AKAP8L: variants seen among roughly 807,000 people sequenced by gnomAD.
The protein encoded by AKAP8L is A-kinase anchoring protein 8 like.
In AKAP8L, 34 loss-of-function variants were observed where a neutral mutation model predicts 77.5. The ratio of observed to expected loss-of-function variants is 0.44; its 90% CI spans 0.33 to 0.58. The LOEUF (loss-of-function observed/expected upper bound fraction) is 0.58, where lower values mean the gene tolerates loss of function less well. Among genes scored for constraint, AKAP8L ranks in the 20% least tolerant of loss-of-function variants. The probability of loss-of-function intolerance (pLI) is 0.02; values close to 1 mark genes in which losing one functional copy is unlikely to be tolerated. For missense variants in AKAP8L, 806 were observed against 887.6 expected (o/e 0.91, Z 1.17); for synonymous variants, 342 against 340.7 (o/e 1.00, Z -0.04).
At position 15,400,746 on chromosome 19, in the gene AKAP8L, C is replaced by T. The variant is rs759877706; in HGVS notation, c.984+48G>A. On this transcript the variant is annotated intron_variant, in intron 7 of 13. Transcript: ENST00000397410. Reference sequence around the variant, plus strand: ...CCAGGGAGAGCACCACTCTTTAGGCCAGCTCGCCCTGCCTGCAGACAGAAA... The same window carrying T: ...CCAGGGAGAGCACCACTCTTTAGGCTAGCTCGCCCTGCCTGCAGACAGAAA... 6.8e-6 allele frequency: 11 copies of T among 1,606,828 alleles called. No individual in the cohort carries two copies. In the South Asian group the frequency reaches 1.2e-4, roughly 18 times the overall value.
chr19:15,380,720 A>G, intron 12 of AKAP8L, 108 bp from the exon 13 acceptor site: 1 of 935,036 alleles, frequency 1.1e-6, no homozygotes, highest in Non-Finnish European at 1.6e-6. Context: ...GCACCCACGC[A>G]CTTCCAGCCC....
chr19:15,403,878 T>A lies in AKAP8L; in HGVS notation c.121+132A>T. On this transcript the variant is annotated intron_variant, in intron 3 of 13. Coordinates refer to ENST00000397410, the MANE Select transcript of AKAP8L (RefSeq NM_014371.4). This position sits in a 1 kb window ranked among gnomAD's most constrained non-coding sequence, Gnocchi z 4.3. Reference sequence around the variant, plus strand: ...CCTGGTCATTCTGATGAGGGCCTCCTGTTAAGGAGTAGGTAACCCCAGAAA... The same window carrying A: ...CCTGGTCATTCTGATGAGGGCCTCCAGTTAAGGAGTAGGTAACCCCAGAAA... The A allele has an allele frequency of 1.7e-6, 2 of 1,163,406 alleles. No individual in the cohort carries two copies. Among genetic ancestry groups the A allele is most frequent in the Non-Finnish European group, 2.5e-6 (2 of 802,374 alleles). 72.1% of individuals were successfully genotyped at this position (1,163,406 alleles called of 1,614,324 possible).
rs934255513 is a variant in AKAP8L at position 15,380,292 on chromosome 19, C to A, written c.1771G>T (p.Val591Leu). Residue 591 changes from valine (V) to leucine (L), a missense_variant, in exon 14 of 14, where the codon GTG becomes TTG. Physicochemically the swap from Val to Leu is conservative, Grantham distance 32. Around this residue, in one of 2 missense-constraint regions of AKAP8L, gnomAD observed 226 missense variants for 193.5 expected, o/e 1.17. Transcript: ENST00000397410. ...GAEGVPAQPPVPPEPAPGAVS... is the reference protein window; with the variant it reads ...GAEGVPAQPPLPPEPAPGAVS... ...GCCCCGGGGGCTGGCTCTGGGGGCACGGGAGGCTGCGCCGGCACGCCCTCT... is the reference window on the plus strand; with the variant it reads ...GCCCCGGGGGCTGGCTCTGGGGGCAAGGGAGGCTGCGCCGGCACGCCCTCT... The A allele has an allele frequency of 6.5e-7, 1 of 1,528,614 alleles. No individual in the cohort carries two copies. Among genetic ancestry groups the A allele is most frequent in the Non-Finnish European group, 8.7e-7 (1 of 1,144,248 alleles). 94.7% of individuals were successfully genotyped at this position (1,528,614 alleles called of 1,614,324 possible).
chr19:15,389,604 C>T (rs1967617440), intron 12 of AKAP8L, among the ~76,000 whole-genome samples: 1 of 151,780 alleles, frequency 6.6e-6, no homozygotes. Context: ...AACCCCATCT[C>T]TACTAAAATA....
chr19:15,415,920 G>A (rs184981042), intron 1 of AKAP8L, among the ~76,000 whole-genome samples: 6 of 151,154 alleles, frequency 4.0e-5, no homozygotes, highest in Admixed American at 2.6e-4. Flanking sequence ...CCAGAGTCTC[G>A]CTGTCATCCA....
intron 12 of AKAP8L, among the ~76,000 whole-genome samples, chr19:15,384,903 C>A (rs1967497103): frequency 1.3e-5 from 2 of 151,388 alleles, no homozygotes; most frequent in Admixed American, 1.3e-4. Flanking sequence ...CGGAGTCTCG[C>A]TTTGTCGCCC....
At position 15,401,455 on chromosome 19, in the gene AKAP8L, G is replaced by C. The variant is rs541380620; in HGVS notation, c.511C>G (p.Arg171Gly). The C allele has an allele frequency of 1.8e-5, 29 of 1,613,622 alleles. No individual in the cohort carries two copies. The highest frequency in any genetic ancestry group is 5.0e-5 in the Admixed American group (3 of 60,012). Residue 171 changes from arginine (R) to glycine (G), a missense_variant, in exon 5 of 14, where the codon CGT becomes GGT. This residue lies in a region of AKAP8L where 580 missense variants were observed against 694.1 expected (regional missense o/e 0.84). Transcript: ENST00000397410. The surrounding 1 kb of genome is among the most constrained non-coding windows in gnomAD (Gnocchi z 6.2). ...YDAYRDQFRM[R>G]GNDTFGPRAQ... ...CTGGGACCGAAGGTGTCGTTGCCACGCATGCGGAACTGGTCGCGGTAGGCA... is the reference window on the plus strand; with the variant it reads ...CTGGGACCGAAGGTGTCGTTGCCACCCATGCGGAACTGGTCGCGGTAGGCA...
At chr19:15,405,207 A>C (rs577629190) in intron 2 of AKAP8L, among the ~76,000 whole-genome samples, 1 of 152,326 alleles carries the variant, frequency 6.6e-6, no homozygotes, top group African/African-American at 2.4e-5. Context: ...AGCCATTCTA[A>C]GAGGCAAGAG....
intron 1 of AKAP8L, chr19:15,417,692 G>A (rs1188132480): frequency 6.6e-6 from 1 of 152,172 alleles, no homozygotes; most frequent in Non-Finnish European, 1.5e-5. Flanking sequence ...AACATAAAGT[G>A]GTCTACAAAG....
At chr19:15,393,434 G>C (rs1207187007) in intron 12 of AKAP8L, among the ~76,000 whole-genome samples, 2 of 151,982 alleles carry the variant, frequency 1.3e-5, no homozygotes, top group African/African-American at 4.8e-5. Flanking sequence ...ATCAAATATG[G>C]GACTTTACAA....
intron 1 of AKAP8L, among the ~76,000 whole-genome samples, chr19:15,415,717 T>A (rs542555929): frequency 6.6e-6 from 1 of 151,834 alleles, no homozygotes; most frequent in Admixed American, 6.6e-5. Context: ...AAACCCCGTC[T>A]CTACTAAAAA....
intron 2 of AKAP8L, chr19:15,404,300 C>A: frequency 2.1e-6 from 1 of 480,738 alleles, no homozygotes; most frequent in Non-Finnish European, 3.7e-6. Flanking sequence ...AACTTGGCTC[C>A]TATACTCCTC....
At chr19:15,410,844 CT>C (rs1968093607) in intron 1 of AKAP8L, among the ~76,000 whole-genome samples, 1 of 152,178 alleles carries the variant, frequency 6.6e-6, no homozygotes, top group Admixed American at 6.5e-5. Context: ...AAAACAAGGT[CT>C]CACTCTGTCC....
chr19:15,408,609 C>T (rs1048643697), intron 2 of AKAP8L, among the ~76,000 whole-genome samples: 26 of 147,786 alleles, frequency 1.8e-4, no homozygotes, highest in Non-Finnish European at 3.0e-4. Flanking sequence ...AGAGGCCGGG[C>T]GCGGTGGCTC....
intron 2 of AKAP8L, among the ~76,000 whole-genome samples, chr19:15,406,174 A>G (rs894831860): frequency 6.6e-6 from 1 of 151,998 alleles, no homozygotes; most frequent in Non-Finnish European, 1.5e-5. Context: ...CACTCACTAC[A>G]TGCCACTTGC....
At position 15,403,581 on chromosome 19, in the gene AKAP8L, C is replaced by CGCTACCCGAGGCACTAGT. The variant is rs1305887874; in HGVS notation, c.238_255dup (p.Thr80_Ser85dup). 3 of 1,613,850 alleles carry CGCTACCCGAGGCACTAGT rather than the reference C, an allele frequency of 1.9e-6. No homozygotes were observed. The highest frequency in any genetic ancestry group is 2.5e-6 in the Non-Finnish European group (3 of 1,179,898). On this transcript the variant is annotated inframe_insertion, in exon 4 of 14. Coordinates refer to ENST00000397410, the MANE Select transcript of AKAP8L (RefSeq NM_014371.4). This position sits in a 1 kb window ranked among gnomAD's most constrained non-coding sequence, Gnocchi z 4.3. ...CTGGATAAAACGGAATCGGCACTGG[C>CGCTACCCGAGGCACTAGT]GCTACCCGAGGCACTAGTGTTTGCA... is the stretch of plus-strand genomic sequence containing the variant.
chr19:15,400,441 T>C (rs2145131720), intron 7 of AKAP8L, 83 bp from the exon 8 acceptor site: 3 of 1,390,884 alleles, frequency 2.2e-6, no homozygotes, highest in Non-Finnish European at 3.0e-6. Context: ...AGCAACGGTA[T>C]ATAGTAAAAC....
intron 12 of AKAP8L, among the ~76,000 whole-genome samples, chr19:15,385,032 C>T (rs1967501359): frequency 6.6e-6 from 1 of 150,926 alleles, no homozygotes; most frequent in South Asian, 2.1e-4. Context: ...GGCTGGAGTG[C>T]AGTGGCGGGA....
rs1401623346 is a variant in AKAP8L, at chr19:15,403,667, G to A, written c.170C>T (p.Thr57Ile). The A allele has an allele frequency of 5.0e-6, 8 of 1,611,876 alleles. No individual in the cohort carries two copies. In the East Asian group the frequency reaches 1.8e-4, roughly 36 times the overall value. Residue 57 changes from threonine to isoleucine, a missense_variant, in exon 4 of 14, where the codon ACC (threonine) becomes ATC (isoleucine). Physicochemically the swap from Thr to Ile is moderately conservative, Grantham distance 89. Transcript: ENST00000397410. This position sits in a 1 kb window ranked among gnomAD's most constrained non-coding sequence, Gnocchi z 4.3. ...YGYGYGQDNT[T>I]NYGYGMATSH... Reference sequence around the variant, plus strand: ...AGTGGCCATACCATACCCATAGTTGGTGGTGTTATCCTGGCCATAGCCATA... The same window carrying A: ...AGTGGCCATACCATACCCATAGTTGATGGTGTTATCCTGGCCATAGCCATA...
Sources: allele counts gnomAD v4.1 joint callset (sites outside exome capture counted in the v4.1 genomes callset), GRCh38; gene constraint gnomAD v4.1.1; regional missense constraint gnomAD v4.1.1; non-coding constraint Gnocchi (gnomAD v3.1); transcripts MANE v1.5; gene names NCBI Gene and HGNC (gene_info 2026-07-23, HGNC 2026-07-21).